Variants in ANXA11 observed in about 807,000 individuals in gnomAD.
The protein encoded by ANXA11 is 56 kDa autoantigen.
In ANXA11, 57 loss-of-function variants were observed where a neutral mutation model predicts 64.7. That is an observed-to-expected ratio of 0.88 (90% CI 0.71 to 1.10). ANXA11 has a LOEUF of 1.10. Ranked by LOEUF, ANXA11 falls within the 50% of genes least tolerant of loss-of-function variation. The pLI, the probability that ANXA11 is intolerant of heterozygous loss-of-function variation, is 0.00. For missense variants in ANXA11, 675 were observed against 670.7 expected (o/e 1.01, Z -0.07); for synonymous variants, 260 against 265.2 (o/e 0.98, Z 0.19).
chr10:80,175,920 G>T (rs1202991802), intron 2 of ANXA11, among the ~76,000 whole-genome samples, 187 bp downstream of exon 2: 1 of 152,118 alleles, frequency 6.6e-6, no homozygotes, highest in African/African-American at 2.4e-5. Context: ...CAGGCGTGGT[G>T]GTGGGTGCCT....
chr10:80,201,209 C>T (rs908929384), intron 1 of ANXA11, among the ~76,000 whole-genome samples: 2 of 152,170 alleles, frequency 1.3e-5, no homozygotes, highest in South Asian at 2.1e-4. Flanking sequence ...ATATCACTCA[C>T]CACAGCCGCG....
At chr10:80,186,207 C>T (rs1846530551) in intron 1 of ANXA11, among the ~76,000 whole-genome samples, 1 of 152,012 alleles carries the variant, frequency 6.6e-6, no homozygotes, top group African/African-American at 2.4e-5. Flanking sequence ...CATATCATGA[C>T]ATCCTGTTTC....
chr10:80,189,642 T>C (rs751434673), intron 1 of ANXA11, among the ~76,000 whole-genome samples: 3 of 152,262 alleles, frequency 2.0e-5, no homozygotes, highest in Non-Finnish European at 2.9e-5. Flanking sequence ...ATACTTACCA[T>C]TGTGTATCCA....
chr10:80,160,511 C>T (rs1440685852), intron 12 of ANXA11, among the ~76,000 whole-genome samples: 1 of 152,174 alleles, frequency 6.6e-6, no homozygotes, highest in Non-Finnish European at 1.5e-5. Flanking sequence ...ACTGGAGCAG[C>T]CCTGGCCACA....
chr10:80,180,776 T>A (rs1846328040), intron 1 of ANXA11, among the ~76,000 whole-genome samples: 1 of 152,282 alleles, frequency 6.6e-6, no homozygotes, highest in South Asian at 2.1e-4. Context: ...TTTAAATGTA[T>A]CCCCCAAAGT....
In ANXA11 at chr10:80,154,494, T is replaced by A. The variant is rs1845216457; in HGVS notation, c.*1359A>T. On this transcript the variant is annotated 3_prime_UTR_variant, in exon 16 of 16. Transcript: ENST00000422982. ...ATCCTCTCACCTCAGCTTCCCAAAG[T>A]CCTTGGATTACAGGCGTGAGCCATA... 1 of 152,244 alleles carries A rather than the reference T, an allele frequency of 6.6e-6. No homozygotes were observed. Among genetic ancestry groups the A allele is most frequent in the South Asian group, 2.1e-4 (1 of 4,832 alleles). 9.4% of individuals were successfully genotyped at this position (152,244 alleles called of 1,614,324 possible). A position where few individuals can be genotyped will look rare whatever the true frequency, so the allele number is the denominator to read the frequency against.
chr10:80,152,058 A>T lies in ANXA11; in HGVS notation c.*3795T>A, dbSNP rs1845166731. The T allele has an allele frequency of 6.6e-6, 1 of 152,168 alleles. No homozygotes were observed. The highest frequency in any genetic ancestry group is 1.5e-5 in the Non-Finnish European group (1 of 68,028). The allele number at this position is 152,168 out of a possible 1,614,324, so 9.4% of individuals were successfully genotyped here. On this transcript the variant is annotated 3_prime_UTR_variant, in exon 16 of 16. Coordinates refer to ENST00000422982, the MANE Select transcript of ANXA11 (RefSeq NM_145868.2). ...CACCAGGACTAGGGTGAGGCGAGTG[A>T]GGCTATCTGTCTCAGGTGCAAAACT...
Position 80,157,155 on chromosome 10 carries a change from G to C in ANXA11, c.1458+486C>G, listed in dbSNP as rs1017762243. The C allele has an allele frequency of 5.1e-6, 5 of 972,214 alleles. No homozygotes were observed. In the African/African-American group the frequency reaches 8.8e-5, roughly 17 times the overall value. The allele number at this position is 972,214 out of a possible 1,614,324, so 60.2% of individuals were successfully genotyped here. A position where few individuals can be genotyped will look rare whatever the true frequency, so the allele number is the denominator to read the frequency against. On this transcript the variant is annotated intron_variant, in intron 15 of 15. Transcript: ENST00000422982. ...GAGCTGGGGTTCAGGGAGATTTAAGGGAGCCATTCAAGGTCACACAGTTAG... is the reference window on the plus strand; with the variant it reads ...GAGCTGGGGTTCAGGGAGATTTAAGCGAGCCATTCAAGGTCACACAGTTAG...
At chr10:80,188,223 G>A (rs1846620122) in intron 1 of ANXA11, among the ~76,000 whole-genome samples, 2 of 151,834 alleles carry the variant, frequency 1.3e-5, no homozygotes, top group South Asian at 4.2e-4. Flanking sequence ...CAGTCACAAG[G>A]GACTTCTCAA....
rs1845150144 is a variant in ANXA11, at chr10:80,151,117, T to C, written c.*4736A>G. 2.0e-5 allele frequency: 3 copies of C among 152,324 alleles called. No individual in the cohort carries two copies. Among genetic ancestry groups the C allele is most frequent in the South Asian group, 4.1e-4 (2 of 4,830 alleles). The allele number at this position is 152,324 out of a possible 1,614,324, so 9.4% of individuals were successfully genotyped here. ...AAAGTCAAAAAGACAGGAAGTGACA[T>C]ATCCAGGGTCACACAACAAATCAGG... On this transcript the variant is annotated 3_prime_UTR_variant, in exon 16 of 16. Coordinates refer to ENST00000422982, the MANE Select transcript of ANXA11 (RefSeq NM_145868.2).
chr10:80,193,811 C>CAAAA (rs546354623), intron 1 of ANXA11, among the ~76,000 whole-genome samples: 2 of 114,486 alleles, frequency 1.7e-5, no homozygotes, highest in Admixed American at 8.9e-5. Context: ...GACTCTGTCT[C>CAAAA]AAAAAAAAAA....
Position 80,155,548 on chromosome 10 carries a change from G to T in ANXA11, c.*305C>A. The T allele has an allele frequency of 2.5e-6, 1 of 394,226 alleles. No homozygotes were observed. The allele number at this position is 394,226 out of a possible 1,614,324, so 24.4% of individuals were successfully genotyped here. Reference sequence around the variant, plus strand: ...AAATAAAAATATACAATTACATGACGAAATGAAGCCAAGTCTTAGCCACAG... The same window carrying T: ...AAATAAAAATATACAATTACATGACTAAATGAAGCCAAGTCTTAGCCACAG... On this transcript the variant is annotated 3_prime_UTR_variant, in exon 16 of 16. Coordinates refer to ENST00000422982, the MANE Select transcript of ANXA11 (RefSeq NM_145868.2).
chr10:80,155,965 G>T, intron 15 of ANXA11, 53 bp from the exon 16 acceptor site: 1 of 1,567,338 alleles, frequency 6.4e-7, no homozygotes, highest in Non-Finnish European at 8.8e-7. Flanking sequence ...GTCACTTTCA[G>T]CCTTCTGGGT....
intron 1 of ANXA11, among the ~76,000 whole-genome samples, chr10:80,179,434 C>A (rs141996254): frequency 2.8e-4 from 43 of 152,334 alleles, no homozygotes; most frequent in African/African-American, 1.0e-3. Context: ...TACCCAGTTT[C>A]AGATATTTCT....
rs12267563 is a variant in ANXA11 at position 80,167,463 on chromosome 10, C to T, written c.562-150G>A. ...ACAGTCAACAATGCAGAGGACTTTA[C>T]GCCGCGTCTACCTAACTTGACTGTT... is the stretch of plus-strand genomic sequence containing the variant. On this transcript the variant is annotated intron_variant, in intron 5 of 15. Transcript: ENST00000422982. The T allele has an allele frequency of 5.0e-3, 3,327 of 661,916 alleles. 75 individuals are homozygous for T. In the African/African-American group the frequency reaches 0.051, roughly 10 times the overall value. 41.0% of individuals were successfully genotyped at this position (661,916 alleles called of 1,614,324 possible). A position where few individuals can be genotyped will look rare whatever the true frequency, so the allele number is the denominator to read the frequency against.
intron 1 of ANXA11, among the ~76,000 whole-genome samples, chr10:80,188,945 G>C (rs1337000221): frequency 6.6e-6 from 1 of 152,120 alleles, no homozygotes; most frequent in Non-Finnish European, 1.5e-5. Context: ...CGGGGCCTCA[G>C]GAAAATGCTG....
chr10:80,203,944 C>CATA (rs1486565727), intron 1 of ANXA11, among the ~76,000 whole-genome samples: 1 of 152,204 alleles, frequency 6.6e-6, no homozygotes, highest in Non-Finnish European at 1.5e-5. Flanking sequence ...ATTTATGACC[C>CATA]AGGCCTGCCT....
intron 1 of ANXA11, among the ~76,000 whole-genome samples, chr10:80,203,436 C>G (rs1002348481): frequency 1.3e-5 from 2 of 152,174 alleles, no homozygotes; most frequent in Non-Finnish European, 2.9e-5. Context: ...ATCTCACCCT[C>G]CCCACGTTTC....
At chr10:80,157,515 G>A (rs1175784779) in intron 15 of ANXA11, 126 bp downstream of exon 15, 15 of 1,490,908 alleles carry the variant, frequency 1.0e-5, no homozygotes, top group Admixed American at 2.3e-5. Flanking sequence ...GAACAAGTCC[G>A]AGGTCCATAA....
Sources: allele counts gnomAD v4.1 joint callset (sites outside exome capture counted in the v4.1 genomes callset), GRCh38; gene constraint gnomAD v4.1.1; transcripts MANE v1.5; gene names NCBI Gene and HGNC (gene_info 2026-07-23, HGNC 2026-07-21).